OPCML: variants seen among roughly 807,000 people sequenced by gnomAD.
OPCML encodes the protein opioid-binding protein/cell adhesion molecule.
A neutral mutation model predicts 37.8 loss-of-function variants in OPCML; 13 were observed. The ratio of observed to expected loss-of-function variants is 0.34; its 90% CI spans 0.22 to 0.55. The LOEUF (loss-of-function observed/expected upper bound fraction) is 0.55. Ranked by LOEUF, OPCML falls within the 20% of genes least tolerant of loss-of-function variation. The probability of loss-of-function intolerance (pLI) is 0.91; values close to 1 mark genes in which losing one functional copy is unlikely to be tolerated. For synonymous variants in OPCML, 176 were observed against 168.8 expected (o/e 1.04, Z -0.33); for missense variants, 341 against 435.6 (o/e 0.78, Z 1.93).
chr11:132,658,177 A>T (rs1238090058), intron 2 of OPCML, among the ~76,000 whole-genome samples: 1 of 152,214 alleles, frequency 6.6e-6, no homozygotes, highest in African/African-American at 2.4e-5. Flanking sequence ...GAATGGAAGC[A>T]TGAGGAAACA....
intron 1 of OPCML, among the ~76,000 whole-genome samples, chr11:132,973,136 A>G (rs1251460857): frequency 1.3e-5 from 2 of 152,106 alleles, no homozygotes; most frequent in South Asian, 4.1e-4. Flanking sequence ...TCTCCTCATC[A>G]ATGAGGTCTC....
chr11:132,894,703 A>G (rs560306859), intron 2 of OPCML, among the ~76,000 whole-genome samples: 2 of 152,284 alleles, frequency 1.3e-5, no homozygotes, highest in South Asian at 4.1e-4. Context: ...ACAGAACAAA[A>G]CAGGCAAGGC....
Position 133,007,612 on chromosome 11 carries a change from G to A in OPCML, c.62-64602C>T. On this transcript the variant is annotated intron_variant, in intron 1 of 7. Coordinates refer to ENST00000524381, the MANE Select transcript of OPCML (RefSeq NM_001012393.5). The stretch of plus-strand genomic sequence containing the variant: ...TAGAATTGCTTGTAGAAGCTGGGAT[G>A]CACATGCTTATTTTTATTTTGCATT... 4.1e-6 allele frequency: 4 copies of A among 985,428 alleles called. No homozygotes were observed. The South Asian group carries it at 1.4e-4, about 35-fold the overall frequency. 61.0% of individuals were successfully genotyped at this position (985,428 alleles called of 1,614,324 possible). A position where few individuals can be genotyped will look rare whatever the true frequency, so the allele number is the denominator to read the frequency against.
At chr11:133,367,732 T>C (rs576117002) in intron 1 of OPCML, among the ~76,000 whole-genome samples, 1 of 152,206 alleles carries the variant, frequency 6.6e-6, no homozygotes, top group Non-Finnish European at 1.5e-5. Context: ...GTTATTTTCT[T>C]TTCCTTTTCT....
At chr11:132,524,263 T>C (rs1591504574) in intron 4 of OPCML, among the ~76,000 whole-genome samples, 1 of 152,314 alleles carries the variant, frequency 6.6e-6, no homozygotes, top group East Asian at 1.9e-4. Flanking sequence ...ATTCTTGAAG[T>C]GCAGCTGATT....
chr11:132,503,269 C>G (rs1305096211), intron 4 of OPCML, among the ~76,000 whole-genome samples: 2 of 152,222 alleles, frequency 1.3e-5, no homozygotes, highest in East Asian at 3.9e-4. Flanking sequence ...AATTGCTACC[C>G]TATCTCAAAG....
intron 3 of OPCML, among the ~76,000 whole-genome samples, chr11:132,656,162 T>A (rs1415423120): frequency 4.6e-5 from 7 of 152,168 alleles, no homozygotes; most frequent in Non-Finnish European, 1.0e-4. Context: ...ACTTCATTCC[T>A]GCCGTGAGCC....
intron 1 of OPCML, among the ~76,000 whole-genome samples, chr11:133,519,872 T>C (rs1948363419): frequency 6.6e-6 from 1 of 152,212 alleles, no homozygotes; most frequent in Admixed American, 6.5e-5. Context: ...ACTGTTTCTA[T>C]GAAATTTGAC....
At chr11:132,733,195 T>C (rs2136015679) in intron 2 of OPCML, among the ~76,000 whole-genome samples, 1 of 152,050 alleles carries the variant, frequency 6.6e-6, no homozygotes, top group East Asian at 1.9e-4. Flanking sequence ...ACAGAAGCCT[T>C]GGCTAAAGAT....
intron 1 of OPCML, among the ~76,000 whole-genome samples, chr11:133,169,477 T>C (rs2079373802): frequency 6.6e-6 from 1 of 152,236 alleles, no homozygotes; most frequent in Non-Finnish European, 1.5e-5. Flanking sequence ...GAGAGCCAAT[T>C]ATTTCTTTCT....
intron 4 of OPCML, among the ~76,000 whole-genome samples, chr11:132,480,812 C>A (rs925127201): frequency 6.6e-6 from 1 of 151,958 alleles, no homozygotes; most frequent in Non-Finnish European, 1.5e-5. Context: ...TACAGAGAAG[C>A]AAATGCTGAG....
At chr11:133,071,514 T>C (rs1261074741) in intron 1 of OPCML, among the ~76,000 whole-genome samples, 1 of 152,192 alleles carries the variant, frequency 6.6e-6, no homozygotes, top group Non-Finnish European at 1.5e-5. Flanking sequence ...GTCAAAGGAA[T>C]AGCAGGGGCT....
At chr11:132,707,150 G>A (rs1361460911) in intron 2 of OPCML, among the ~76,000 whole-genome samples, 1 of 152,290 alleles carries the variant, frequency 6.6e-6, no homozygotes, top group East Asian at 1.9e-4. Context: ...GGGTTTTGAG[G>A]AAGAAAGGGC....
intron 3 of OPCML, among the ~76,000 whole-genome samples, chr11:132,616,219 T>C (rs764769400): frequency 3.9e-5 from 6 of 152,228 alleles, no homozygotes; most frequent in Non-Finnish European, 7.3e-5. Context: ...CAGAAGACCT[T>C]GAGTAGTAAA....
chr11:132,753,490 G>C (rs1171511387), intron 2 of OPCML, among the ~76,000 whole-genome samples: 1 of 152,108 alleles, frequency 6.6e-6, no homozygotes, highest in Non-Finnish European at 1.5e-5. Flanking sequence ...CCAGCTAGCT[G>C]GCTACATACC....
chr11:132,977,374 T>C lies in OPCML; in HGVS notation c.62-34364A>G, dbSNP rs1414846430. Among the ~76,000 whole-genome samples the C allele has an allele frequency of 2.0e-5, 3 of 152,292 alleles. No individual in the cohort carries two copies. In the East Asian group the frequency reaches 5.8e-4, roughly 29 times the overall value. On this transcript the variant is annotated intron_variant, in intron 1 of 7. Coordinates refer to ENST00000524381, the MANE Select transcript of OPCML (RefSeq NM_001012393.5). ...ATCTCTCAGCTGATTCTCAACTGTG[T>C]CAATAACAACTAAATAATATCCCAA...
chr11:132,986,762 C>T (rs369785219), intron 1 of OPCML, among the ~76,000 whole-genome samples: 12 of 151,864 alleles, frequency 7.9e-5, no homozygotes, highest in African/African-American at 2.2e-4. Context: ...AATGGGTAAT[C>T]GAGAGTTAAT....
intron 4 of OPCML, among the ~76,000 whole-genome samples, chr11:132,439,509 G>A (rs979174185): frequency 9.9e-5 from 15 of 152,202 alleles, no homozygotes; most frequent in African/African-American, 3.4e-4. Flanking sequence ...TTACGGTTAT[G>A]CAAACACTTT....
At chr11:132,934,940 G>A (rs2136644935) in intron 2 of OPCML, among the ~76,000 whole-genome samples, 1 of 152,144 alleles carries the variant, frequency 6.6e-6, no homozygotes, top group Non-Finnish European at 1.5e-5. Flanking sequence ...GGGAGTTCGA[G>A]ACCAGCCTGA....
Sources: allele counts gnomAD v4.1 joint callset (sites outside exome capture counted in the v4.1 genomes callset), GRCh38; gene constraint gnomAD v4.1.1; transcripts MANE v1.5; gene names NCBI Gene and HGNC (gene_info 2026-07-23, HGNC 2026-07-21).